SUCO: variants seen among roughly 807,000 people sequenced by gnomAD.
SUCO encodes the protein SUN domain-containing ossification factor.
In SUCO, 57 loss-of-function variants were observed where a neutral mutation model predicts 148.1. The observed-to-expected ratio is 0.38, with a 90% CI of 0.31 to 0.48. The LOEUF is 0.48. Among genes scored for constraint, SUCO ranks in the 20% least tolerant of loss-of-function variants. The pLI is 0.96. For missense variants in SUCO, 1,331 were observed against 1,468.2 expected (o/e 0.91, Z 1.53); for synonymous variants, 470 against 502.7 (o/e 0.93, Z 0.87).
At position 172,569,102 on chromosome 1, in the gene SUCO, T is replaced by C. The variant is rs1432983098; in HGVS notation, c.816T>C (p.Asp272=). The part of the protein sequence containing the change: ...PKDPEDIPTF[D]EWKKKVMEVE... ...ATCCAGAAGATATACCAACATTTGATGAATGGAAGAAGAAAGTTATGGAAG... is the reference window on the plus strand; with the variant it reads ...ATCCAGAAGATATACCAACATTTGACGAATGGAAGAAGAAAGTTATGGAAG... Residue 272 remains aspartate, a synonymous_variant, in exon 7 of 24, where the codon GAT becomes GAC. Transcript: ENST00000263688. 1.1e-5 allele frequency: 18 copies of C among 1,581,942 alleles called. No individual in the cohort carries two copies. Among genetic ancestry groups the C allele is most frequent in the Non-Finnish European group, 1.5e-5 (17 of 1,165,372 alleles).
intron 19 of SUCO, among the ~76,000 whole-genome samples, chr1:172,593,275 C>T (rs536844347): frequency 1.3e-5 from 2 of 152,262 alleles, no homozygotes; most frequent in South Asian, 2.1e-4. Flanking sequence ...TTTCTTTCTC[C>T]TGCCTGATTG....
intron 6 of SUCO, among the ~76,000 whole-genome samples, chr1:172,560,398 C>T (rs1458012198): frequency 1.3e-5 from 2 of 152,172 alleles, no homozygotes; most frequent in African/African-American, 4.8e-5. Flanking sequence ...ATAGGTGCAG[C>T]AGGTTTTATT....
chr1:172,591,991 A>G (rs1204197961), intron 19 of SUCO, among the ~76,000 whole-genome samples: 1 of 152,152 alleles, frequency 6.6e-6, no homozygotes, highest in Admixed American at 6.5e-5. Context: ...GTGAGATGGT[A>G]TCTCATTGTG....
intron 1 of SUCO, chr1:172,544,092 A>T: frequency 1.4e-6 from 1 of 726,398 alleles, no homozygotes; most frequent in African/African-American, 1.9e-5. Flanking sequence ...ATTTTTTCAG[A>T]TATCCAGGAA....
chr1:172,608,370 T>A (rs907730027), intron 22 of SUCO: 2 of 223,438 alleles, frequency 9.0e-6, no homozygotes, highest in Non-Finnish European at 1.7e-5. Context: ...TAGGGAAGTA[T>A]TCAAATGATC....
At chr1:172,561,152 G>A (rs892497401) in intron 6 of SUCO, among the ~76,000 whole-genome samples, 7 of 152,254 alleles carry the variant, frequency 4.6e-5, no homozygotes, top group African/African-American at 9.6e-5. Context: ...GTTGTATTCA[G>A]AGCATTGCAG....
intron 22 of SUCO, among the ~76,000 whole-genome samples, chr1:172,606,260 G>A (rs977298055): frequency 3.5e-5 from 5 of 143,284 alleles, no homozygotes; most frequent in African/African-American, 1.3e-4. Flanking sequence ...AAATTAGATG[G>A]GCAGGGGTAT....
At chr1:172,551,000 T>C in intron 1 of SUCO, 1 of 446,932 alleles carries the variant, frequency 2.2e-6, no homozygotes, top group Non-Finnish European at 3.0e-6. Flanking sequence ...TTGATAAGTT[T>C]TGCATGTTAT....
rs1386259528 is a variant in SUCO at position 172,570,044 on chromosome 1, C to A, written c.857-3C>A. ...AATATTTATAATAACGGTTTGTCTG[C>A]AGGTCAGTCGATGCATGCATCTTCT... is the stretch of plus-strand genomic sequence containing the variant. On this transcript the variant is annotated splice_region_variant and splice_polypyrimidine_tract_variant and intron_variant, in intron 7 of 23. Coordinates refer to ENST00000263688, the MANE Select transcript of SUCO (RefSeq NM_014283.5). The A allele has an allele frequency of 1.4e-6, 2 of 1,476,266 alleles. No individual in the cohort carries two copies. The highest frequency in any genetic ancestry group is 2.5e-5 in the East Asian group (1 of 39,528). The allele number at this position is 1,476,266 out of a possible 1,614,324, so 91.4% of individuals were successfully genotyped here.
At chr1:172,556,843 G>A (rs1337794993) in intron 4 of SUCO, 41 of 844,832 alleles carry the variant, frequency 4.9e-5, no homozygotes, top group Non-Finnish European at 5.7e-5. Flanking sequence ...TATTAAAAAT[G>A]ACTGGTTAAT....
rs773305094 is a variant in SUCO at position 172,569,124 on chromosome 1, G to A, written c.838G>A (p.Glu280Lys). The A allele has an allele frequency of 1.3e-6, 2 of 1,563,618 alleles. No individual in the cohort carries two copies. Among genetic ancestry groups the A allele is most frequent in the African/African-American group, 1.4e-5 (1 of 72,376 alleles). The part of the protein sequence containing the change: ...TFDEWKKKVM[E>K]VEKEKSQSMH... ...TGATGAATGGAAGAAGAAAGTTATG[G>A]AAGTAGAAAAAGAAAAAAGTAAGGA... The change falls in exon 7 of 24, where the codon GAA becomes AAA. Residue 280 changes from glutamate to lysine, a missense_variant. By Grantham distance (56) the Glu-to-Lys change is moderately conservative. Transcript: ENST00000263688.
At chr1:172,580,832 C>T (rs182439408) in intron 15 of SUCO, among the ~76,000 whole-genome samples, 3 of 152,240 alleles carry the variant, frequency 2.0e-5, no homozygotes, top group African/African-American at 4.8e-5. Context: ...CCAGGCACAG[C>T]GGCTCATGCT....
intron 6 of SUCO, among the ~76,000 whole-genome samples, chr1:172,558,143 T>A (rs1236408281): frequency 1.3e-5 from 2 of 152,224 alleles, no homozygotes; most frequent in Non-Finnish European, 2.9e-5. Flanking sequence ...TTTAATTATC[T>A]TCAGAATACA....
At position 172,573,954 on chromosome 1, in the gene SUCO, A is replaced by AT; in HGVS notation, c.1117dup (p.Ser373PhefsTer5). Reference sequence around the variant, plus strand: ...AGCTTGATATTGCAAATTATGAATTATTTTCTTCTACTCCTAAAGATTTTC... The same window carrying AT: ...AGCTTGATATTGCAAATTATGAATTATTTTTCTTCTACTCCTAAAGATTTTC... On this transcript the variant is annotated frameshift_variant, in exon 10 of 24. Coordinates refer to ENST00000263688, the MANE Select transcript of SUCO (RefSeq NM_014283.5). LOFTEE classifies it high-confidence loss of function. The AT allele has an allele frequency of 6.2e-7, 1 of 1,600,844 alleles. No individual in the cohort carries two copies. The highest frequency in any genetic ancestry group is 8.5e-7 in the Non-Finnish European group (1 of 1,170,792).
At chr1:172,586,112 C>T (rs1430493859) in intron 17 of SUCO, among the ~76,000 whole-genome samples, 164 bp downstream of exon 17, 1 of 151,974 alleles carries the variant, frequency 6.6e-6, no homozygotes, top group Non-Finnish European at 1.5e-5. Context: ...TGAGTTGCTT[C>T]TTCCCATTAG....
intron 22 of SUCO, chr1:172,608,011 CAT>C: frequency 1.1e-5 from 9 of 845,048 alleles, no homozygotes; most frequent in Non-Finnish European, 1.3e-5. Context: ...ACTAAAGTCT[CAT>C]AGCCTTTTAA....
At chr1:172,588,613 T>C in intron 17 of SUCO, 147 bp from the exon 18 acceptor site, 1 of 1,275,760 alleles carries the variant, frequency 7.8e-7, no homozygotes, top group Non-Finnish European at 9.9e-7. Context: ...TAAAAGTGTT[T>C]TGTAGGTGAA....
chr1:172,533,490 C>T lies in SUCO; in HGVS notation c.55C>T (p.Leu19=), dbSNP rs1292262670. ...ALVSCLFLCS[L]VWLPSWRVCC... The stretch of plus-strand genomic sequence containing the variant: ...GGTCTCCTGCCTCTTTCTGTGCTCT[C>T]TGGTCTGGTGAGTAGCCGCGACGAC... The change falls in exon 1 of 24, where the codon CTG becomes TTG. Residue 19 remains leucine (L), a synonymous_variant. Transcript: ENST00000263688. The T allele has an allele frequency of 1.3e-6, 2 of 1,560,064 alleles. No homozygotes were observed. Among genetic ancestry groups the T allele is most frequent in the South Asian group, 1.2e-5 (1 of 84,344 alleles).
intron 17 of SUCO, 109 bp from the exon 18 acceptor site, chr1:172,588,651 A>T (rs765023483): frequency 7.9e-6 from 10 of 1,261,010 alleles, no homozygotes; most frequent in Non-Finnish European, 1.0e-5. Flanking sequence ...AATTTCTTCT[A>T]TATTTCCAAC....
Sources: gnomAD v4.1 joint callset for allele counts (sites outside exome capture counted in the v4.1 genomes callset) on GRCh38, gnomAD v4.1.1 for gene constraint, MANE v1.5 for transcripts, NCBI Gene and HGNC (gene_info 2026-07-23, HGNC 2026-07-21) for gene names.